TNFSF4: variants seen among roughly 807,000 people sequenced by gnomAD.
TNFSF4 encodes the protein TNF superfamily member 4.
Under a neutral mutation model 7.3 loss-of-function variants are expected in TNFSF4, and 4 were observed. That is an observed-to-expected ratio of 0.55 (90% CI 0.27 to 1.25). The LOEUF (loss-of-function observed/expected upper bound fraction) is 1.25, where lower values mean the gene tolerates loss of function less well. TNFSF4 is among the 50% of genes most tolerant of loss of function. The probability of loss-of-function intolerance (pLI) is 0.12; values close to 1 mark genes in which losing one functional copy is unlikely to be tolerated. For missense variants in TNFSF4, 181 were observed against 208.8 expected, an observed-to-expected ratio of 0.87 and a Z score of 0.82; for synonymous variants, 76 against 83.7, an observed-to-expected ratio of 0.91 and a Z score of 0.50.
At chr1:173,303,087 C>G in the TNFSF4 span, among the ~76,000 whole-genome samples, 1 of 151,834 alleles carries the variant, frequency 6.6e-6, no homozygotes, top group African/African-American at 2.4e-5. Context: ...CTGAGAGGTG[C>G]CTTCTGACCA....
At chr1:173,296,310 T>A in the TNFSF4 span, among the ~76,000 whole-genome samples, 1 of 152,016 alleles carries the variant, frequency 6.6e-6, no homozygotes, top group Admixed American at 6.6e-5. Flanking sequence ...ATTTCAGTTC[T>A]ACCCAACAAA....
At chr1:173,223,023 G>A in the TNFSF4 span, among the ~76,000 whole-genome samples, 1 of 152,190 alleles carries the variant, frequency 6.6e-6, no homozygotes, top group Admixed American at 6.5e-5. Flanking sequence ...CTAATGTAAT[G>A]GTTAAGAGCA....
chr1:173,252,358 A>G, the TNFSF4 span, among the ~76,000 whole-genome samples: 3 of 152,182 alleles, frequency 2.0e-5, no homozygotes, highest in Non-Finnish European at 4.4e-5. Context: ...ATAGCTTCAT[A>G]TAATCTTCAT....
the TNFSF4 span, among the ~76,000 whole-genome samples, chr1:173,426,788 C>A: frequency 6.6e-6 from 1 of 152,016 alleles, no homozygotes; most frequent in African/African-American, 2.4e-5. Flanking sequence ...GAGACAAGGT[C>A]TCGCTATGTT....
chr1:173,182,007 G>A (rs1649063505), downstream of TNFSF4, among the ~76,000 whole-genome samples: 1 of 152,114 alleles, frequency 6.6e-6, no homozygotes, highest in Non-Finnish European at 1.5e-5. Flanking sequence ...GTATAGAGTG[G>A]TTGAAATCCG....
chr1:173,277,521 C>T, the TNFSF4 span, among the ~76,000 whole-genome samples: 1 of 152,076 alleles, frequency 6.6e-6, no homozygotes, highest in South Asian at 2.1e-4. Context: ...ACACTGTCAA[C>T]TCATATGTAA....
At chr1:173,403,067 A>T in the TNFSF4 span, among the ~76,000 whole-genome samples, 1 of 152,046 alleles carries the variant, frequency 6.6e-6, no homozygotes, top group African/African-American at 2.4e-5. Flanking sequence ...GCCCAGGCTA[A>T]TCTCAAACTC....
the TNFSF4 span, among the ~76,000 whole-genome samples, chr1:173,332,654 G>C: frequency 3.9e-5 from 6 of 152,118 alleles, no homozygotes; most frequent in Non-Finnish European, 8.8e-5. Flanking sequence ...AGGAGTTCAA[G>C]ACTTGCCTGA....
downstream of TNFSF4, among the ~76,000 whole-genome samples, chr1:173,182,949 G>A (rs932127621): frequency 6.6e-6 from 1 of 152,274 alleles, no homozygotes; most frequent in South Asian, 2.1e-4. Context: ...GAAGGTTGCT[G>A]CCATGCCAAA....
At chr1:173,244,664 A>C in the TNFSF4 span, among the ~76,000 whole-genome samples, 5 of 151,008 alleles carry the variant, frequency 3.3e-5, no homozygotes, top group African/African-American at 1.2e-4. Context: ...AAAACAAAAA[A>C]AACAAAAAAA....
the TNFSF4 span, among the ~76,000 whole-genome samples, chr1:173,327,651 T>A: frequency 6.6e-6 from 1 of 151,400 alleles, no homozygotes; most frequent in Non-Finnish European, 1.5e-5. Context: ...TCAAACAAAT[T>A]TACAAGAAAA....
the TNFSF4 span, among the ~76,000 whole-genome samples, chr1:173,314,394 A>G: frequency 6.6e-6 from 1 of 152,120 alleles, no homozygotes; most frequent in Non-Finnish European, 1.5e-5. Context: ...CTACGAAACC[A>G]TGAGAATACT....
At chr1:173,237,757 A>G in the TNFSF4 span, among the ~76,000 whole-genome samples, 2 of 152,214 alleles carry the variant, frequency 1.3e-5, no homozygotes, top group Non-Finnish European at 2.9e-5. Flanking sequence ...GAAATCAGAA[A>G]TGACACAAAC....
At chr1:173,260,758 G>T in the TNFSF4 span, among the ~76,000 whole-genome samples, 3 of 152,274 alleles carry the variant, frequency 2.0e-5, no homozygotes, top group South Asian at 6.2e-4. Context: ...TTACATAATG[G>T]TAAAGGATTC....
At chr1:173,379,166 A>T in the TNFSF4 span, among the ~76,000 whole-genome samples, 1 of 152,198 alleles carries the variant, frequency 6.6e-6, no homozygotes, top group Non-Finnish European at 1.5e-5. Flanking sequence ...GATATCTGGT[A>T]TCTTAGTCAA....
At chr1:173,238,040 G>A in the TNFSF4 span, among the ~76,000 whole-genome samples, 2 of 152,074 alleles carry the variant, frequency 1.3e-5, no homozygotes, top group East Asian at 1.9e-4. Context: ...AAACAGCATG[G>A]TACTGGTATA....
chr1:173,207,333 A>G, upstream of TNFSF4: 1 of 580,634 alleles, frequency 1.7e-6, no homozygotes, highest in Admixed American at 3.4e-5. Context: ...AGGCGATTGA[A>G]AGAGCAAAGC....
chr1:173,176,759 T>C, the TNFSF4 span, among the ~76,000 whole-genome samples: 1 of 152,186 alleles, frequency 6.6e-6, no homozygotes, highest in Non-Finnish European at 1.5e-5. Context: ...TTAAAAAATG[T>C]GATTCATATA....
the TNFSF4 span, among the ~76,000 whole-genome samples, chr1:173,248,718 G>A: frequency 1.3e-5 from 2 of 152,166 alleles, no homozygotes; most frequent in African/African-American, 2.4e-5. Flanking sequence ...TGTAAGTCAT[G>A]TTACAAATTT....
Sources: gnomAD v4.1 joint callset for allele counts (sites outside exome capture counted in the v4.1 genomes callset) on GRCh38, gnomAD v4.1.1 for gene constraint, MANE v1.5 for transcripts, NCBI Gene and HGNC (gene_info 2026-07-23, HGNC 2026-07-21) for gene names.